Variants in ANAPC5 observed in about 807,000 individuals in gnomAD.
ANAPC5 encodes the protein anaphase promoting complex subunit 5, also known as anaphase-promoting complex subunit 5.
ANAPC5 carries 60 observed loss-of-function variants against 91.3 expected under a neutral mutation model. That is an observed-to-expected ratio of 0.66 (90% CI 0.53 to 0.81). The LOEUF (loss-of-function observed/expected upper bound fraction) is 0.81. Among genes scored for constraint, ANAPC5 ranks in the 40% least tolerant of loss-of-function variants. The pLI, the probability that ANAPC5 is intolerant of heterozygous loss-of-function variation, is 0.00. For synonymous variants in ANAPC5, 340 were observed against 364.1 expected, an observed-to-expected ratio of 0.93 and a Z score of 0.75; for missense variants, 690 against 931.5, an observed-to-expected ratio of 0.74 and a Z score of 3.37.
At chr12:121,313,579 C>T (rs1251358235) in intron 15 of ANAPC5, among the ~76,000 whole-genome samples, 5 of 152,114 alleles carry the variant, frequency 3.3e-5, no homozygotes, top group African/African-American at 1.2e-4. Flanking sequence ...ACTTTACTAA[C>T]AACCTTACAA....
intron 15 of ANAPC5, among the ~76,000 whole-genome samples, chr12:121,316,753 A>AAAAAG (rs1566180275): frequency 2.0e-5 from 3 of 151,084 alleles, no homozygotes; most frequent in African/African-American, 4.8e-5. Context: ...AAAAAAAAAA[A>AAAAAG]AAAAGAAAAC....
Position 121,347,996 on chromosome 12 carries a change from C to A in ANAPC5, c.208-115G>T, listed in dbSNP as rs537760405. On this transcript the variant is annotated intron_variant, in intron 1 of 16. Transcript: ENST00000261819. ...TGCTTTAATAATCACTCCAAACATG[C>A]AAATAAGGATTTTTCTATCTACCTA... 6 of 694,282 alleles carry A rather than the reference C, an allele frequency of 8.6e-6. No individual in the cohort carries two copies. The Admixed American group carries it at 1.1e-4, about 13-fold the overall frequency. The allele number at this position is 694,282 out of a possible 1,614,324, so 43.0% of individuals were successfully genotyped here. A position where few individuals can be genotyped will look rare whatever the true frequency, so the allele number is the denominator to read the frequency against.
chr12:121,316,455 C>T (rs555118012), intron 15 of ANAPC5, among the ~76,000 whole-genome samples: 3 of 152,162 alleles, frequency 2.0e-5, no homozygotes, highest in South Asian at 2.1e-4. Flanking sequence ...TATTCAACCC[C>T]GGGCGCGGTG....
At chr12:121,351,131 G>A (rs1566200852) in intron 1 of ANAPC5, 3 of 441,650 alleles carry the variant, frequency 6.8e-6, no homozygotes, top group South Asian at 4.8e-5. Flanking sequence ...CAATACTCTG[G>A]GAGACCAGAC....
In ANAPC5 at chr12:121,327,082, G is replaced by A. The variant is rs199680151; in HGVS notation, c.1440+14C>T. Reference sequence around the variant, plus strand: ...CATTGCTCCAGAAGCACGTGGGCCCGGCCACCTGCCTACCTGCTCCGCGTG... The same window carrying A: ...CATTGCTCCAGAAGCACGTGGGCCCAGCCACCTGCCTACCTGCTCCGCGTG... On this transcript the variant is annotated intron_variant, in intron 11 of 16. Transcript: ENST00000261819. The A allele has an allele frequency of 1.1e-4, 176 of 1,581,938 alleles. No homozygotes were observed. The highest frequency in any genetic ancestry group is 2.7e-4 in the South Asian group (24 of 88,634).
rs1281893827 is a variant in ANAPC5, at chr12:121,352,321, C to T, written c.20G>A (p.Ser7Asn). The T allele has an allele frequency of 1.2e-6, 2 of 1,606,098 alleles. No homozygotes were observed. The highest frequency in any genetic ancestry group is 1.3e-5 in the African/African-American group (1 of 74,762). Reference sequence around the variant, plus strand: ...GGTCATCATGGGATTGAAGTAGAGGCTCTCGTGGACGCTGGCCATGGCGGC... The same window carrying T: ...GGTCATCATGGGATTGAAGTAGAGGTTCTCGTGGACGCTGGCCATGGCGGC... MASVHESLYFNPMMTNG... is the reference protein window; with the variant it reads MASVHENLYFNPMMTNG... The change falls in exon 1 of 17, where the codon AGC (serine) becomes AAC (asparagine). Residue 7 changes from serine (S) to asparagine (N), a missense_variant. Around this residue, in one of 5 missense-constraint regions of ANAPC5, gnomAD observed 238 missense variants for 264.9 expected, o/e 0.90. Transcript: ENST00000261819.
intron 5 of ANAPC5, among the ~76,000 whole-genome samples, chr12:121,337,732 G>C (rs1374110025): frequency 6.6e-6 from 1 of 152,104 alleles, no homozygotes; most frequent in South Asian, 2.1e-4. Context: ...TCACCTTCTA[G>C]ATGAAGGTGA....
Position 121,309,836 on chromosome 12 carries a change from A to C in ANAPC5, c.1921T>G (p.Leu641Val). ...TCGATGGCCATGTGGAGAAGACTTAAGGCCTGTTCTGGGATTCCAAGAATG... is the reference window on the plus strand; with the variant it reads ...TCGATGGCCATGTGGAGAAGACTTACGGCCTGTTCTGGGATTCCAAGAATG... ...QLILGIPEQA[L>V]SLLHMAIEPI... The change falls in exon 16 of 17, where the codon TTA (leucine) becomes GTA (valine). Residue 641 changes from leucine (L) to valine (V), a missense_variant. Transcript: ENST00000261819. The C allele has an allele frequency of 6.2e-7, 1 of 1,613,968 alleles. No individual in the cohort carries two copies. Among genetic ancestry groups the C allele is most frequent in the South Asian group, 1.1e-5 (1 of 91,076 alleles).
In ANAPC5 at chr12:121,352,352, ACTAAGTCTCGGGC is replaced by A. The variant is rs1277431402; in HGVS notation, c.-25_-13del. ...TGGACGCTGGCCATGGCGGCCCGAG[ACTAAGTCTCGGGC>A]CCGCGGCGCGCTGCCGCCAGTTGTC... On this transcript the variant is annotated 5_prime_UTR_variant, in exon 1 of 17. Coordinates refer to ENST00000261819, the MANE Select transcript of ANAPC5 (RefSeq NM_016237.5). 3.2e-6 allele frequency: 5 copies of A among 1,585,950 alleles called. No individual in the cohort carries two copies. Among genetic ancestry groups the A allele is most frequent in the Non-Finnish European group, 4.3e-6 (5 of 1,163,120 alleles).
intron 15 of ANAPC5, among the ~76,000 whole-genome samples, chr12:121,313,708 A>T (rs1363547993): frequency 6.6e-6 from 1 of 152,220 alleles, no homozygotes; most frequent in Non-Finnish European, 1.5e-5. Flanking sequence ...AGAAACAGGA[A>T]ATCTGAATAG....
intron 8 of ANAPC5, 150 bp from the exon 9 acceptor site, chr12:121,330,822 A>C: frequency 1.7e-6 from 1 of 605,188 alleles, no homozygotes; most frequent in South Asian, 2.0e-5. Context: ...TCTCAATGAG[A>C]CCTGTCAAAC....
At position 121,320,368 on chromosome 12, in the gene ANAPC5, T is replaced by C. The variant is rs751254021; in HGVS notation, c.1515+17A>G. 22 of 1,610,664 alleles carry C rather than the reference T, an allele frequency of 1.4e-5. No individual in the cohort carries two copies. In the Admixed American group the frequency reaches 1.8e-4, roughly 13 times the overall value. ...TTTATCAGAAATAAATCTATTGCCA[T>C]GCAAAAGGCAGATTACCTGGGCGTG... On this transcript the variant is annotated intron_variant, in intron 12 of 16. Coordinates refer to ENST00000261819, the MANE Select transcript of ANAPC5 (RefSeq NM_016237.5).
chr12:121,318,360 G>A lies in ANAPC5; in HGVS notation c.1810C>T (p.Leu604Phe). ...SSSPTIALPM[L>F]LQALALSKEY... The stretch of plus-strand genomic sequence containing the variant: ...TTGGAGAGGGCCAGAGCCTGCAGGA[G>A]CATGGGCAGCGCGATGGTAGGGGAG... Residue 604 changes from leucine (L) to phenylalanine (F), a missense_variant, in exon 15 of 17, where the codon CTC (leucine) becomes TTC (phenylalanine). By Grantham distance (22) the Leu-to-Phe change is conservative (BLOSUM62 0). Around this residue, in one of 5 missense-constraint regions of ANAPC5, gnomAD observed 317 missense variants for 438.7 expected, o/e 0.72. Transcript: ENST00000261819. 6.2e-7 allele frequency: 1 copy of A among 1,612,222 alleles called. No individual in the cohort carries two copies.
Position 121,352,226 on chromosome 12 carries a change from C to A in ANAPC5, c.115G>T (p.Val39Leu). 1 of 1,614,158 alleles carries A rather than the reference C, an allele frequency of 6.2e-7. No individual in the cohort carries two copies. Among genetic ancestry groups the A allele is most frequent in the South Asian group, 1.1e-5 (1 of 91,082 alleles). The stretch of plus-strand genomic sequence containing the variant: ...GTGCGGCTCATCTCGTTCAGCAGCA[C>A]CAGCACCGCGATCTTGTACGGCGTC... ...WVTPYKIAVL[V>L]LLNEMSRTGE... Residue 39 changes from valine to leucine, a missense_variant, in exon 1 of 17, where the codon GTG becomes TTG. Physicochemically the swap from Val to Leu is conservative, Grantham distance 32. Around this residue, in one of 5 missense-constraint regions of ANAPC5, gnomAD observed 238 missense variants for 264.9 expected, o/e 0.90. Transcript: ENST00000261819.
intron 3 of ANAPC5, chr12:121,346,277 C>G: frequency 2.5e-6 from 1 of 399,076 alleles, no homozygotes; most frequent in East Asian, 4.1e-5. Flanking sequence ...ATTTTACTTT[C>G]TTCATGGCTG....
chr12:121,318,011 A>G (rs1902438282), intron 15 of ANAPC5: 1 of 297,292 alleles, frequency 3.4e-6, no homozygotes, highest in Non-Finnish European at 6.2e-6. Context: ...AATCATTAAT[A>G]TGATGCAGGT....
chr12:121,335,757 C>T (rs782114966), intron 6 of ANAPC5, 34 bp from the exon 7 acceptor site: 9 of 1,546,386 alleles, frequency 5.8e-6, no homozygotes, highest in Middle Eastern at 1.8e-4. Context: ...ATTTTAAACG[C>T]TGTAAATATC....
chr12:121,309,165 A>T lies in ANAPC5; in HGVS notation c.2057-474T>A, dbSNP rs181923885. 6.1e-3 allele frequency among the ~76,000 whole-genome samples: 873 copies of T among 143,884 alleles called. 11 individuals are homozygous for T. Among genetic ancestry groups the T allele is most frequent in the African/African-American group, 0.021 (829 of 38,598 alleles). The allele number at this position is 143,884 out of a possible 152,430, so 94.4% of individuals were successfully genotyped here. On this transcript the variant is annotated intron_variant, in intron 16 of 16. Coordinates refer to ENST00000261819, the MANE Select transcript of ANAPC5 (RefSeq NM_016237.5). ...CCATCTCAAAAAAAAAAAAAAAAAAAAAAGGCCGGGCGCAGTGGCTCACAC... is the reference window on the plus strand; with the variant it reads ...CCATCTCAAAAAAAAAAAAAAAAAATAAAGGCCGGGCGCAGTGGCTCACAC...
At position 121,347,006 on chromosome 12, in the gene ANAPC5, C is replaced by A. The variant is rs1555274785; in HGVS notation, c.288-1G>T. ...CTCGCCTTCAGCCATCAGTTTGATT[C>A]TGAATGAGAAAATCGAGGTGCATAT... On this transcript the variant is annotated splice_acceptor_variant, in intron 2 of 16. Transcript: ENST00000261819. LOFTEE classifies it high-confidence loss of function. The A allele has an allele frequency of 6.3e-7, 1 of 1,596,612 alleles. No individual in the cohort carries two copies. The highest frequency in any genetic ancestry group is 8.5e-7 in the Non-Finnish European group (1 of 1,172,570).
Sources: allele counts gnomAD v4.1 joint callset (sites outside exome capture counted in the v4.1 genomes callset), GRCh38; gene constraint gnomAD v4.1.1; regional missense constraint gnomAD v4.1.1; transcripts MANE v1.5; gene names NCBI Gene and HGNC (gene_info 2026-07-23, HGNC 2026-07-21).